The following PCDHA2 variants were observed in gnomAD, a reference collection of about 807,000 sequenced individuals.
The protein encoded by PCDHA2 is protocadherin alpha 2.
In PCDHA2, 58 loss-of-function variants were observed where a neutral mutation model predicts 66.0. The ratio of observed to expected loss-of-function variants is 0.88; its 90% CI spans 0.71 to 1.09. The LOEUF (loss-of-function observed/expected upper bound fraction) is 1.09. PCDHA2 is among the 50% of genes least tolerant of loss of function. The pLI, the probability that PCDHA2 is intolerant of heterozygous loss-of-function variation, is 0.00. For missense variants in PCDHA2, 1,267 were observed against 1,242.3 expected, an observed-to-expected ratio of 1.02 and a Z score of -0.30; for synonymous variants, 634 against 554.0, an observed-to-expected ratio of 1.14 and a Z score of -2.03.
chr5:140,903,334 G>A (rs1451948444), intron 1 of PCDHA2, among the ~76,000 whole-genome samples: 2 of 152,132 alleles, frequency 1.3e-5, no homozygotes, highest in Non-Finnish European at 2.9e-5. Context: ...TTGAGGAAAG[G>A]ATGCATTTTA....
intron 1 of PCDHA2, chr5:140,871,023 C>T: frequency 6.2e-7 from 1 of 1,613,268 alleles, no homozygotes; most frequent in Non-Finnish European, 8.5e-7. Context: ...ACGAGGCAGA[C>T]TCGCCGCGCC....
intron 1 of PCDHA2, chr5:140,882,941 A>G (rs2059372388): frequency 6.2e-7 from 1 of 1,614,128 alleles, no homozygotes; most frequent in African/African-American, 1.3e-5. Context: ...GCTGACTGGC[A>G]CAGTTCAGCT....
chr5:140,999,480 A>G, intron 3 of PCDHA2, among the ~76,000 whole-genome samples: 1 of 152,176 alleles, frequency 6.6e-6, no homozygotes, highest in East Asian at 1.9e-4. Flanking sequence ...ATTCCAACTC[A>G]AGTCTATGTT....
chr5:141,004,768 A>G (rs2098180289), intron 3 of PCDHA2, among the ~76,000 whole-genome samples: 1 of 152,160 alleles, frequency 6.6e-6, no homozygotes, highest in Non-Finnish European at 1.5e-5. Flanking sequence ...CAGGACCTGT[A>G]TTTTAAAGGT....
rs2150530926 is a variant in PCDHA2 at position 140,853,336 on chromosome 5, A to G, written c.2388+55984A>G. The G allele has an allele frequency of 4.1e-5, 40 of 984,520 alleles. 4 individuals carry two copies. The highest frequency in any genetic ancestry group is 4.9e-5 in the Non-Finnish European group (40 of 817,056). 61.0% of individuals were successfully genotyped at this position (984,520 alleles called of 1,614,324 possible). A position where few individuals can be genotyped will look rare whatever the true frequency, so the allele number is the denominator to read the frequency against. On this transcript the variant is annotated intron_variant, in intron 1 of 3. Transcript: ENST00000526136. ...AGTAATAAATTTATCTTTTGAGGTC[A>G]TTAGCAAACATGAACTCACAGGGAT...
chr5:140,887,456 A>G (rs1291884808), intron 1 of PCDHA2, among the ~76,000 whole-genome samples: 1 of 152,138 alleles, frequency 6.6e-6, no homozygotes, highest in Non-Finnish European at 1.5e-5. Flanking sequence ...CAGTTTTTTA[A>G]AAGATATAAT....
chr5:140,884,057 G>A (rs141156800), intron 1 of PCDHA2: 6 of 1,613,540 alleles, frequency 3.7e-6, no homozygotes, highest in Non-Finnish European at 5.1e-6. Context: ...GGTGCGCGCG[G>A]TGGACGCCGA....
At chr5:140,825,303 C>T (rs1296903954) in intron 1 of PCDHA2, 1 of 148,852 alleles carries the variant, frequency 6.7e-6, no homozygotes, top group Non-Finnish European at 1.5e-5. Context: ...TTTAGTGGAA[C>T]AATGATTTAA....
rs2098418669 is a variant in PCDHA2 at position 141,010,882 on chromosome 5, G to C, written c.*945G>C. On this transcript the variant is annotated 3_prime_UTR_variant, in exon 4 of 4. Transcript: ENST00000526136. ...GTCTATAGCTATAAATCTTTAAAGAGAAATATGAATACAATTCCCCTAAAC... is the reference window on the plus strand; with the variant it reads ...GTCTATAGCTATAAATCTTTAAAGACAAATATGAATACAATTCCCCTAAAC... The C allele has an allele frequency of 6.5e-6, 1 of 153,674 alleles. No homozygotes were observed. The allele number at this position is 153,674 out of a possible 1,614,324, so 9.5% of individuals were successfully genotyped here.
chr5:140,802,086 C>A, intron 1 of PCDHA2: 2 of 1,614,144 alleles, frequency 1.2e-6, no homozygotes, highest in Non-Finnish European at 1.7e-6. Flanking sequence ...CCATTTAGAT[C>A]CAGTCAATGG....
chr5:140,944,451 T>C (rs6878788), intron 1 of PCDHA2, among the ~76,000 whole-genome samples: 8,488 of 152,228 alleles, frequency 0.056, 701 homozygotes, highest in African/African-American at 0.18. Flanking sequence ...CCTCCCAAAG[T>C]GCTGGGATTA....
chr5:140,806,974 C>A (rs1470394159), intron 1 of PCDHA2: 4 of 618,732 alleles, frequency 6.5e-6, no homozygotes, highest in African/African-American at 3.7e-5. Flanking sequence ...TTGCTACTTA[C>A]GGTTTGGAGC....
In PCDHA2 at chr5:140,876,147, T is replaced by A. The variant is rs183600546; in HGVS notation, c.2388+78795T>A. 4.3e-6 allele frequency: 7 copies of A among 1,613,994 alleles called. No individual in the cohort carries two copies. The Admixed American group carries it at 1.2e-4, about 27-fold the overall frequency. ...GCGGTAAACCAGAACTAACAGGGTC[T>A]GTCCAGATTCAAATAACCGTCCTGG... is the stretch of plus-strand genomic sequence containing the variant. On this transcript the variant is annotated intron_variant, in intron 1 of 3. Transcript: ENST00000526136.
rs1171497178 is a variant in PCDHA2, at chr5:140,993,431, C to A, written c.2536+10868C>A. 2.7e-5 allele frequency among the ~76,000 whole-genome samples: 4 copies of A among 149,406 alleles called. No homozygotes were observed. The Admixed American group carries it at 2.7e-4, about 10-fold the overall frequency. On this transcript the variant is annotated intron_variant, in intron 3 of 3. Coordinates refer to ENST00000526136, the MANE Select transcript of PCDHA2 (RefSeq NM_018905.3). ...TCATCAGCATTTCTCTTTTAAAATC[C>A]TTATTCATTCCTGTTCTCCTTCTTT...
intron 1 of PCDHA2, among the ~76,000 whole-genome samples, chr5:140,946,310 A>G (rs562859671): frequency 2.6e-5 from 4 of 152,074 alleles, no homozygotes; most frequent in African/African-American, 4.8e-5. Context: ...TAGAATGGCT[A>G]TTATTGAAAG....
chr5:140,992,822 T>G (rs560336634), intron 3 of PCDHA2, among the ~76,000 whole-genome samples: 6 of 152,240 alleles, frequency 3.9e-5, no homozygotes, highest in Admixed American at 3.3e-4. Flanking sequence ...GATGTGTTTG[T>G]TTTTTGGGAA....
intron 1 of PCDHA2, chr5:140,823,463 C>A (rs2150126030): frequency 6.2e-7 from 1 of 1,613,428 alleles, no homozygotes; most frequent in Admixed American, 1.7e-5. Flanking sequence ...AACGCGCCGG[C>A]GCTGCTGGTG....
chr5:140,887,246 G>A (rs1346055055), intron 1 of PCDHA2, among the ~76,000 whole-genome samples: 2 of 151,778 alleles, frequency 1.3e-5, no homozygotes, highest in Non-Finnish European at 2.9e-5. Flanking sequence ...ACCGGCGCCC[G>A]CCACCACGCC....
At chr5:140,824,317 G>A in intron 1 of PCDHA2, 1 of 731,928 alleles carries the variant, frequency 1.4e-6, no homozygotes, top group Non-Finnish European at 2.3e-6. Context: ...AGATTCATCA[G>A]CTTTCTGTGA....
Sources: allele counts gnomAD v4.1 joint callset (sites outside exome capture counted in the v4.1 genomes callset), GRCh38; gene constraint gnomAD v4.1.1; transcripts MANE v1.5; gene names NCBI Gene and HGNC (gene_info 2026-07-23, HGNC 2026-07-21).